Variants in GLIS3 observed in about 807,000 individuals in gnomAD.
GLIS3 encodes the protein zinc finger protein GLIS3.
GLIS3 carries 53 observed loss-of-function variants against 78.6 expected under a neutral mutation model. The ratio of observed to expected loss-of-function variants is 0.67; its 90% CI spans 0.54 to 0.85. The LOEUF (loss-of-function observed/expected upper bound fraction) is 0.85, where lower values mean the gene tolerates loss of function less well. Ranked by LOEUF, GLIS3 falls within the 40% of genes least tolerant of loss-of-function variation. The probability of loss-of-function intolerance (pLI) is 0.00; values close to 1 mark genes in which losing one functional copy is unlikely to be tolerated. For missense variants in GLIS3, 1,703 were observed against 1,231.1 expected, an observed-to-expected ratio of 1.38 and a Z score of -5.74; for synonymous variants, 684 against 509.9, an observed-to-expected ratio of 1.34 and a Z score of -4.60.
intron 2 of GLIS3, among the ~76,000 whole-genome samples, chr9:4,318,781 A>G (rs1401660626): frequency 6.6e-6 from 1 of 152,220 alleles, no homozygotes; most frequent in Non-Finnish European, 1.5e-5. Context: ...AAAAGATGCT[A>G]AAACTATTAG....
intron 2 of GLIS3, among the ~76,000 whole-genome samples, chr9:4,157,653 C>T (rs905803410): frequency 2.0e-5 from 3 of 152,158 alleles, no homozygotes; most frequent in South Asian, 2.1e-4. Context: ...CTTAAATATT[C>T]AATCCACATT....
At chr9:3,832,118 G>A (rs1264500916) in intron 9 of GLIS3, among the ~76,000 whole-genome samples, 1 of 150,978 alleles carries the variant, frequency 6.6e-6, no homozygotes, top group Admixed American at 6.6e-5. Flanking sequence ...GTAAAATCAG[G>A]TTAATAATAG....
chr9:3,892,773 A>C (rs1448571011), intron 7 of GLIS3, among the ~76,000 whole-genome samples: 1 of 152,112 alleles, frequency 6.6e-6, no homozygotes. Flanking sequence ...AGAACTTTAG[A>C]CTCAGCAGTC....
At chr9:3,840,823 C>G (rs1215432684) in intron 9 of GLIS3, among the ~76,000 whole-genome samples, 1 of 152,226 alleles carries the variant, frequency 6.6e-6, no homozygotes, top group African/African-American at 2.4e-5. Flanking sequence ...GCGAGCTGCA[C>G]TCTGAACATG....
the GLIS3 span, among the ~76,000 whole-genome samples, chr9:4,353,661 G>A: frequency 6.6e-6 from 1 of 152,306 alleles, no homozygotes. Flanking sequence ...GTAAGCTAGA[G>A]TCTAAGATCA....
intron 2 of GLIS3, among the ~76,000 whole-genome samples, chr9:4,269,931 C>G (rs1169881317): frequency 2.0e-5 from 3 of 152,164 alleles, no homozygotes; most frequent in Non-Finnish European, 4.4e-5. Context: ...ACTTAAAGAT[C>G]AACTGTCTTT....
chr9:3,841,389 C>CATGT (rs1207459917), intron 9 of GLIS3, among the ~76,000 whole-genome samples: 1 of 152,162 alleles, frequency 6.6e-6, no homozygotes, highest in Non-Finnish European at 1.5e-5. Flanking sequence ...CCAGCTCTGC[C>CATGT]ATGTACTAGC....
the GLIS3 span, among the ~76,000 whole-genome samples, chr9:4,445,261 C>A: frequency 6.6e-6 from 1 of 152,174 alleles, no homozygotes; most frequent in Non-Finnish European, 1.5e-5. Context: ...CTGTAAAGTG[C>A]TGTAGCATTT....
chr9:4,397,495 C>T, the GLIS3 span, among the ~76,000 whole-genome samples: 1 of 151,678 alleles, frequency 6.6e-6, no homozygotes, highest in African/African-American at 2.4e-5. Flanking sequence ...ACTGCTTCCC[C>T]CTGACTCCCC....
At chr9:4,327,900 G>A (rs1056041381) in intron 2 of GLIS3, among the ~76,000 whole-genome samples, 1 of 152,216 alleles carries the variant, frequency 6.6e-6, no homozygotes, top group Non-Finnish European at 1.5e-5. Context: ...TTTCTCAGTT[G>A]AGCTGTCCAA....
chr9:4,193,326 G>C (rs914770299), intron 2 of GLIS3, among the ~76,000 whole-genome samples: 4 of 152,172 alleles, frequency 2.6e-5, no homozygotes, highest in Non-Finnish European at 5.9e-5. Flanking sequence ...CTGAAACACA[G>C]ACAATATTTG....
intron 7 of GLIS3, among the ~76,000 whole-genome samples, chr9:3,896,774 C>T (rs1822874749): frequency 6.6e-6 from 1 of 150,730 alleles, no homozygotes; most frequent in African/African-American, 2.4e-5. Context: ...CTGCATGTTT[C>T]AAGTGTTCTC....
chr9:4,336,182 T>C (rs1396820305), intron 2 of GLIS3, among the ~76,000 whole-genome samples: 2 of 152,230 alleles, frequency 1.3e-5, no homozygotes, highest in African/African-American at 4.8e-5. Flanking sequence ...CTCTTCTCCC[T>C]GACCTAATCT....
intron 8 of GLIS3, among the ~76,000 whole-genome samples, chr9:3,874,089 G>A (rs966415305): frequency 3.9e-5 from 6 of 152,200 alleles, no homozygotes; most frequent in African/African-American, 1.4e-4. Context: ...TTGACTGATG[G>A]CTGGCAGCCT....
chr9:4,298,131 C>T (rs1816743143), intron 1 of GLIS3, among the ~76,000 whole-genome samples: 2 of 152,088 alleles, frequency 1.3e-5, no homozygotes, highest in African/African-American at 4.8e-5. Context: ...AGTCGGGGGC[C>T]GAAAGGGTGC....
At chr9:4,374,629 A>C in the GLIS3 span, among the ~76,000 whole-genome samples, 1 of 152,226 alleles carries the variant, frequency 6.6e-6, no homozygotes, top group Admixed American at 6.5e-5. Context: ...CAAGGCTGTC[A>C]ATCAGGGCAT....
At chr9:4,349,331 G>T (rs1156381308), upstream of GLIS3, among the ~76,000 whole-genome samples, 2 of 152,156 alleles carry the variant, frequency 1.3e-5, no homozygotes, top group African/African-American at 4.8e-5. Context: ...ACCCATAAAA[G>T]CCAGGCATTT....
the GLIS3 span, among the ~76,000 whole-genome samples, chr9:4,479,800 C>G: frequency 2.0e-5 from 3 of 152,056 alleles, no homozygotes; most frequent in African/African-American, 7.2e-5. Flanking sequence ...AACATACACT[C>G]CTTCCTGGAT....
chr9:4,224,669 T>A (rs1410085499), intron 2 of GLIS3, among the ~76,000 whole-genome samples: 3 of 151,448 alleles, frequency 2.0e-5, no homozygotes, highest in Non-Finnish European at 2.9e-5. Context: ...CTTTGTTACA[T>A]CCCACTTTCC....
Sources: allele counts gnomAD v4.1 joint callset (sites outside exome capture counted in the v4.1 genomes callset), GRCh38; gene constraint gnomAD v4.1.1; transcripts MANE v1.5; gene names NCBI Gene and HGNC (gene_info 2026-07-23, HGNC 2026-07-21).